Variants in MIR2052HG observed in about 807,000 individuals in gnomAD.
MIR2052HG encodes MIR2052 host gene.
intron 2 of MIR2052HG, among the ~76,000 whole-genome samples, chr8:74,666,045 C>T (rs1006265533): frequency 3.3e-5 from 5 of 152,200 alleles, no homozygotes; most frequent in African/African-American, 4.8e-5. Context: ...ATGCTTTTGT[C>T]GGCAGTGTGA....
chr8:74,648,345 C>T (rs1243391987), intron 2 of MIR2052HG, among the ~76,000 whole-genome samples: 1 of 152,128 alleles, frequency 6.6e-6, no homozygotes, highest in African/African-American at 2.4e-5. Context: ...GAAATTCCAG[C>T]CTGGTGAATT....
At chr8:74,608,486 C>T (rs1278896182) in intron 1 of MIR2052HG, among the ~76,000 whole-genome samples, 1 of 152,090 alleles carries the variant, frequency 6.6e-6, no homozygotes, top group Non-Finnish European at 1.5e-5. Context: ...ACAAAGAGCA[C>T]TCCATCCTAA....
intron 2 of MIR2052HG, among the ~76,000 whole-genome samples, chr8:74,646,817 C>A (rs1444518960): frequency 6.6e-6 from 1 of 151,994 alleles, no homozygotes; most frequent in Non-Finnish European, 1.5e-5. Context: ...ATCCCCAGCT[C>A]CCCAGGAGGC....
chr8:74,613,075 G>A (rs550853494), intron 2 of MIR2052HG: 60 of 339,666 alleles, frequency 1.8e-4, no homozygotes, highest in African/African-American at 1.2e-3. Context: ...GAGAGGCCAC[G>A]GCTACAGTTT....
chr8:74,659,678 T>A (rs1392402605), intron 2 of MIR2052HG, among the ~76,000 whole-genome samples: 1 of 152,160 alleles, frequency 6.6e-6, no homozygotes, highest in Non-Finnish European at 1.5e-5. Flanking sequence ...ACTCCTGGCT[T>A]CAAGTGATGC....
chr8:74,672,031 A>C (rs999800237), intron 2 of MIR2052HG, among the ~76,000 whole-genome samples: 2 of 152,184 alleles, frequency 1.3e-5, no homozygotes, highest in African/African-American at 2.4e-5. Flanking sequence ...CAGCATTATC[A>C]GTTTTTCTCT....
At chr8:74,637,600 G>A (rs1013795944) in intron 2 of MIR2052HG, among the ~76,000 whole-genome samples, 3 of 152,078 alleles carry the variant, frequency 2.0e-5, no homozygotes, top group Admixed American at 1.3e-4. Context: ...GCACACTTTG[G>A]AGAACTTTCA....
intron 4 of MIR2052HG, among the ~76,000 whole-genome samples, chr8:74,734,342 C>G (rs1443423017): frequency 1.3e-5 from 2 of 152,164 alleles, no homozygotes; most frequent in East Asian, 3.9e-4. Flanking sequence ...ACAGTTTTGA[C>G]ACTATACACA....
At chr8:74,732,838 G>A (rs1013141529) in intron 4 of MIR2052HG, among the ~76,000 whole-genome samples, 1 of 152,136 alleles carries the variant, frequency 6.6e-6, no homozygotes, top group Non-Finnish European at 1.5e-5. Flanking sequence ...AACCACTGAT[G>A]AATGGGCAGA....
intron 2 of MIR2052HG, among the ~76,000 whole-genome samples, chr8:74,621,873 A>G (rs1808366263): frequency 6.6e-6 from 1 of 152,214 alleles, no homozygotes; most frequent in African/African-American, 2.4e-5. Flanking sequence ...CTAGACCCTT[A>G]TCTTACACCA....
At chr8:74,660,434 CG>C (rs1808849432) in intron 2 of MIR2052HG, among the ~76,000 whole-genome samples, 1 of 152,132 alleles carries the variant, frequency 6.6e-6, no homozygotes, top group South Asian at 2.1e-4. Context: ...CAGGTTTCTG[CG>C]CAAGAGAGAG....
chr8:74,751,928 G>T (rs1451079092), intron 4 of MIR2052HG, among the ~76,000 whole-genome samples: 1 of 152,230 alleles, frequency 6.6e-6, no homozygotes, highest in East Asian at 1.9e-4. Flanking sequence ...TAATACCTTT[G>T]TTTAATCTTT....
chr8:74,695,792 G>C (rs1809289803), intron 2 of MIR2052HG, among the ~76,000 whole-genome samples: 1 of 152,088 alleles, frequency 6.6e-6, no homozygotes, highest in Non-Finnish European at 1.5e-5. Flanking sequence ...AAATATGTAT[G>C]CACTTAACAC....
chr8:74,716,742 G>A (rs1809525355), intron 4 of MIR2052HG, among the ~76,000 whole-genome samples: 1 of 152,086 alleles, frequency 6.6e-6, no homozygotes, highest in Non-Finnish European at 1.5e-5. Flanking sequence ...TATTTGGGGT[G>A]AATTTAGATG....
At chr8:74,673,352 T>C (rs1039885782) in intron 2 of MIR2052HG, among the ~76,000 whole-genome samples, 19 of 152,036 alleles carry the variant, frequency 1.2e-4, no homozygotes, top group African/African-American at 4.1e-4. Context: ...AATTGTCCTT[T>C]TCTTTCTACA....
At chr8:74,665,635 C>T (rs1808914550) in intron 2 of MIR2052HG, among the ~76,000 whole-genome samples, 4 of 152,068 alleles carry the variant, frequency 2.6e-5, no homozygotes, top group Admixed American at 2.0e-4. Context: ...TTATATTTAC[C>T]TCTCCATTTT....
chr8:74,741,146 A>T (rs888194391), intron 4 of MIR2052HG, among the ~76,000 whole-genome samples: 1 of 152,156 alleles, frequency 6.6e-6, no homozygotes, highest in Non-Finnish European at 1.5e-5. Context: ...AATTAATTTC[A>T]TGGTCTTTGA....
At chr8:74,693,844 A>C (rs1214428968) in intron 2 of MIR2052HG, among the ~76,000 whole-genome samples, 1 of 152,044 alleles carries the variant, frequency 6.6e-6, no homozygotes, top group East Asian at 1.9e-4. Context: ...AGACACCTCT[A>C]AACCTGCCCC....
At chr8:74,713,840 C>A (rs1390221507) in intron 4 of MIR2052HG, among the ~76,000 whole-genome samples, 2 of 152,060 alleles carry the variant, frequency 1.3e-5, no homozygotes, top group Non-Finnish European at 2.9e-5. Flanking sequence ...TCAGAAGATA[C>A]TTTGGGAAAT....
Sources: allele counts gnomAD v4.1 joint callset (sites outside exome capture counted in the v4.1 genomes callset), GRCh38; gene constraint gnomAD v4.1.1; transcripts MANE v1.5; gene names NCBI Gene and HGNC (gene_info 2026-07-23, HGNC 2026-07-21).